UTRN: variants seen among roughly 807,000 people sequenced by gnomAD.
UTRN encodes dystrophin-related protein 1.
A neutral mutation model predicts 463.9 loss-of-function variants in UTRN; 283 were observed. That is an observed-to-expected ratio of 0.61 (90% CI 0.55 to 0.67). UTRN has a LOEUF of 0.67. Ranked by LOEUF, UTRN falls within the 30% of genes least tolerant of loss-of-function variation. The probability of loss-of-function intolerance (pLI) is 0.00; values close to 1 mark genes in which losing one functional copy is unlikely to be tolerated. For missense variants in UTRN, 3,922 were observed against 4,084.3 expected, an observed-to-expected ratio of 0.96 and a Z score of 1.08; for synonymous variants, 1,442 against 1,431.5, an observed-to-expected ratio of 1.01 and a Z score of -0.17.
chr6:144,292,415 C>G (rs555176572), intron 2 of UTRN, among the ~76,000 whole-genome samples: 5 of 152,150 alleles, frequency 3.3e-5, no homozygotes, highest in East Asian at 1.9e-4. Context: ...ATCTAATAAA[C>G]CAGACTCAGA....
chr6:144,377,081 A>C (rs1780529882), intron 2 of UTRN, among the ~76,000 whole-genome samples: 1 of 152,148 alleles, frequency 6.6e-6, no homozygotes, highest in South Asian at 2.1e-4. Context: ...TCTGTCACCC[A>C]GGCTGGAGTG....
At chr6:144,346,382 A>T (rs993743741) in intron 2 of UTRN, among the ~76,000 whole-genome samples, 15 of 152,160 alleles carry the variant, frequency 9.9e-5, no homozygotes, top group Non-Finnish European at 2.1e-4. Flanking sequence ...AAAATAGAAA[A>T]CCAATGTGTA....
chr6:144,635,138 G>GTTTTTTTTTT (rs149100143), intron 51 of UTRN, among the ~76,000 whole-genome samples: 1 of 103,112 alleles, frequency 9.7e-6, no homozygotes, highest in Non-Finnish European at 2.0e-5. Flanking sequence ...TTATTTGTGT[G>GTTTTTTTTTT]TTTTTTTTTT....
In UTRN at chr6:144,757,936, C is replaced by G; in HGVS notation, c.8442C>G (p.Val2814=). 3 of 1,610,464 alleles carry G rather than the reference C, an allele frequency of 1.9e-6. No individual in the cohort carries two copies. Among genetic ancestry groups the G allele is most frequent in the Non-Finnish European group, 2.5e-6 (3 of 1,177,940 alleles). The change falls in exon 58 of 75, where the codon GTC becomes GTG. Residue 2814 remains valine (V), a synonymous_variant. Coordinates refer to ENST00000367545, the MANE Select transcript of UTRN (RefSeq NM_007124.3). ...PSSQHFLSTS[V]QLPWQRSISH... ...CTCCCTTTGTTTCCTCAGCGTCAGT[C>G]CAGCTGCCGTGGCAAAGATCCATTT...
chr6:144,457,688 C>T (rs766264824), intron 19 of UTRN, among the ~76,000 whole-genome samples: 2 of 152,164 alleles, frequency 1.3e-5, no homozygotes, highest in African/African-American at 2.4e-5. Flanking sequence ...CAAATGACAG[C>T]ATGATATGCC....
rs536303091 is a variant in UTRN at position 144,796,671 on chromosome 6, G to A, written c.9079-1153G>A. The stretch of plus-strand genomic sequence containing the variant: ...CTGCATATAAAGACATTTTAGAAAT[G>A]TTACTACTGATGTTATACATATGCA... On this transcript the variant is annotated intron_variant, in intron 63 of 74. Coordinates refer to ENST00000367545, the MANE Select transcript of UTRN (RefSeq NM_007124.3). Among the ~76,000 whole-genome samples, 31 of 151,994 alleles carry A rather than the reference G, an allele frequency of 2.0e-4. 1 individual carries two copies. Among genetic ancestry groups the A allele is most frequent in the Admixed American group, 1.8e-3 (28 of 15,272 alleles).
chr6:144,598,569 A>G (rs997947043), intron 51 of UTRN, among the ~76,000 whole-genome samples: 5 of 152,202 alleles, frequency 3.3e-5, no homozygotes, highest in African/African-American at 1.2e-4. Context: ...GGGATTCTCT[A>G]TGGAATGTAG....
intron 17 of UTRN, 55 bp downstream of exon 17, chr6:144,448,824 T>C: frequency 6.4e-7 from 1 of 1,567,590 alleles, no homozygotes; most frequent in Non-Finnish European, 8.7e-7. Flanking sequence ...CTATATTTTC[T>C]ACTTGGTGCC....
intron 47 of UTRN, 27 bp from the exon 48 acceptor site, chr6:144,550,938 A>G (rs1798853302): frequency 6.4e-7 from 1 of 1,559,150 alleles, no homozygotes; most frequent in Non-Finnish European, 8.7e-7. Flanking sequence ...TTATTAACCT[A>G]TCCGAATAAT....
At chr6:144,637,469 A>C (rs1216645491) in intron 51 of UTRN, among the ~76,000 whole-genome samples, 1 of 151,942 alleles carries the variant, frequency 6.6e-6, no homozygotes, top group Non-Finnish European at 1.5e-5. Context: ...GAAATAATGC[A>C]CGTTTCTTGA....
chr6:144,567,332 A>G (rs1413917658), intron 50 of UTRN, among the ~76,000 whole-genome samples: 1 of 152,102 alleles, frequency 6.6e-6, no homozygotes, highest in Non-Finnish European at 1.5e-5. Flanking sequence ...TATTGGAGTT[A>G]TGATTCAATA....
intron 61 of UTRN, among the ~76,000 whole-genome samples, chr6:144,786,350 A>T (rs1261626950): frequency 6.6e-6 from 1 of 152,150 alleles, no homozygotes; most frequent in Non-Finnish European, 1.5e-5. Flanking sequence ...CAGTGGCATG[A>T]TGTCAGCTCA....
chr6:144,457,299 T>C (rs576218351), intron 19 of UTRN, among the ~76,000 whole-genome samples: 27 of 152,312 alleles, frequency 1.8e-4, no homozygotes, highest in African/African-American at 5.8e-4. Flanking sequence ...ACTGAAGTTG[T>C]TTTAACCGCC....
intron 63 of UTRN, 133 bp downstream of exon 63, chr6:144,794,124 A>G (rs1777008810): frequency 3.2e-6 from 4 of 1,266,652 alleles, no homozygotes; most frequent in Non-Finnish European, 4.2e-6. Context: ...CAAGTGGTGT[A>G]TTTTATTTCC....
chr6:144,845,042 T>G (rs1781904147), intron 73 of UTRN, among the ~76,000 whole-genome samples: 1 of 152,248 alleles, frequency 6.6e-6, no homozygotes, highest in Admixed American at 6.5e-5. Flanking sequence ...GTCTACACAT[T>G]GTTGCACATA....
At chr6:144,463,894 T>G (rs1789667489) in intron 23 of UTRN, among the ~76,000 whole-genome samples, 1 of 151,376 alleles carries the variant, frequency 6.6e-6, no homozygotes, top group Non-Finnish European at 1.5e-5. Context: ...TAGGGAGATG[T>G]CTCTGTATAT....
At chr6:144,510,014 T>A (rs1795043501) in intron 34 of UTRN, among the ~76,000 whole-genome samples, 2 of 152,192 alleles carry the variant, frequency 1.3e-5, no homozygotes, top group Non-Finnish European at 2.9e-5. Context: ...AGTTCTGTCA[T>A]AAATATGCCA....
chr6:144,386,846 C>T (rs565687056), intron 2 of UTRN, among the ~76,000 whole-genome samples: 18 of 151,284 alleles, frequency 1.2e-4, no homozygotes, highest in Non-Finnish European at 2.1e-4. Flanking sequence ...CTTGTCATGG[C>T]GGATATTAAA....
Position 144,772,380 on chromosome 6 carries a change from T to C in UTRN, c.8557+412T>C, listed in dbSNP as rs946860832. 4.2e-4 allele frequency among the ~76,000 whole-genome samples: 64 copies of C among 152,124 alleles called. 2 individuals carry two copies. Among genetic ancestry groups the C allele is most frequent in the Non-Finnish European group, 1.6e-4 (11 of 68,016 alleles). ...TCACCAGCCTTTCTTACATGGCATA[T>C]TAATGTTAAAAGAATCATGTCATTG... On this transcript the variant is annotated intron_variant, in intron 59 of 74. Transcript: ENST00000367545.
Sources: allele counts gnomAD v4.1 joint callset (sites outside exome capture counted in the v4.1 genomes callset), GRCh38; gene constraint gnomAD v4.1.1; transcripts MANE v1.5; gene names NCBI Gene and HGNC (gene_info 2026-07-23, HGNC 2026-07-21).